PIWIL3: variants seen among roughly 807,000 people sequenced by gnomAD.
PIWIL3 encodes the protein piwi like RNA-mediated gene silencing 3, also known as piwi-like protein 3.
In PIWIL3, 101 loss-of-function variants were observed where a neutral mutation model predicts 109.7. The ratio of observed to expected loss-of-function variants is 0.92; its 90% CI spans 0.78 to 1.09. The LOEUF is 1.09. Ranked by LOEUF, PIWIL3 falls within the 50% of genes least tolerant of loss-of-function variation. The probability of loss-of-function intolerance (pLI) is 0.00; values close to 1 mark genes in which losing one functional copy is unlikely to be tolerated. For missense variants in PIWIL3, 1,031 were observed against 1,072.6 expected, an observed-to-expected ratio of 0.96 and a Z score of 0.54; for synonymous variants, 373 against 376.4, an observed-to-expected ratio of 0.99 and a Z score of 0.10.
At position 24,749,011 on chromosome 22, in the gene PIWIL3, CT is replaced by C. The variant is rs749450273; in HGVS notation, c.1344del (p.Val449TyrfsTer10). ...EFINTLQDNKKVRELLQLWDL... is the reference protein window; with the variant it reads ...EFINTLQDNKXVRELLQLWDL... The stretch of plus-strand genomic sequence containing the variant: ...TCCCAGAGTTGAAGTAACTCTCGTA[CT>C]TTTTTATTACTGAAAATTAAAATAT... On this transcript the variant is annotated frameshift_variant, in exon 12 of 21. Coordinates refer to ENST00000616349, the MANE Select transcript of PIWIL3 (RefSeq NM_001255975.1). LOFTEE classifies it high-confidence loss of function. The C allele has an allele frequency of 1.1e-5, 17 of 1,608,742 alleles. No homozygotes were observed. Among genetic ancestry groups the C allele is most frequent in the Non-Finnish European group, 1.4e-5 (17 of 1,176,394 alleles).
Position 24,719,377 on chromosome 22 carries a change from A to G in PIWIL3, c.*95T>C. ...TCAAAAACGATGAGAATTTAATGCT[A>G]TGGACCTAGGAAAATATTTCAGACA... On this transcript the variant is annotated 3_prime_UTR_variant, in exon 21 of 21. Transcript: ENST00000616349. 2.1e-6 allele frequency: 2 copies of G among 960,182 alleles called. No individual in the cohort carries two copies. The highest frequency in any genetic ancestry group is 2.5e-5 in the Admixed American group (1 of 39,314). The allele number at this position is 960,182 out of a possible 1,614,324, so 59.5% of individuals were successfully genotyped here. A position where few individuals can be genotyped will look rare whatever the true frequency, so the allele number is the denominator to read the frequency against.
chr22:24,730,059 T>C (rs1037066572), intron 14 of PIWIL3, among the ~76,000 whole-genome samples: 9 of 152,012 alleles, frequency 5.9e-5, no homozygotes, highest in Non-Finnish European at 1.3e-4. Flanking sequence ...TAGAATTATG[T>C]GTACAGATTA....
chr22:24,755,924 A>AAAAC lies in PIWIL3; in HGVS notation c.571-20_571-19insGTTT. ...CCACTCTCTGAGATTAAAAAAAAAC[A>AAAAC]AAAAAAAAAGTCCAGATATTCTTCC... On this transcript the variant is annotated intron_variant, in intron 5 of 20. Transcript: ENST00000616349. The AAAAC allele has an allele frequency of 1.6e-6, 2 of 1,212,338 alleles. No homozygotes were observed. Among genetic ancestry groups the AAAAC allele is most frequent in the Non-Finnish European group, 2.2e-6 (2 of 906,498 alleles). The allele number at this position is 1,212,338 out of a possible 1,614,324, so 75.1% of individuals were successfully genotyped here. A position where few individuals can be genotyped will look rare whatever the true frequency, so the allele number is the denominator to read the frequency against.
chr22:24,720,195 T>C lies in PIWIL3; in HGVS notation c.2358-300A>G, dbSNP rs547417019. Among the ~76,000 whole-genome samples, 3 of 151,774 alleles carry C rather than the reference T, an allele frequency of 2.0e-5. No homozygotes were observed. The East Asian group carries it at 5.8e-4, about 29-fold the overall frequency. On this transcript the variant is annotated intron_variant, in intron 19 of 20. Coordinates refer to ENST00000616349, the MANE Select transcript of PIWIL3 (RefSeq NM_001255975.1). ...GATCTGATATGGCCATAGATAATTC[T>C]ATTCGGAGATTCTTGGATGAAGGCC...
chr22:24,720,943 T>C (rs1463604626), intron 19 of PIWIL3, among the ~76,000 whole-genome samples: 1 of 152,260 alleles, frequency 6.6e-6, no homozygotes, highest in East Asian at 1.9e-4. Context: ...TCCAGTATTT[T>C]AGGTCTTGTT....
chr22:24,733,969 T>C (rs1048514176), intron 14 of PIWIL3, 115 bp downstream of exon 14: 65 of 1,153,730 alleles, frequency 5.6e-5, no homozygotes, highest in Non-Finnish European at 7.6e-5. Context: ...CAGGTTAATC[T>C]GCTTTCGTTG....
intron 13 of PIWIL3, among the ~76,000 whole-genome samples, chr22:24,735,429 T>G (rs1422083870): frequency 1.3e-5 from 2 of 152,214 alleles, no homozygotes; most frequent in African/African-American, 4.8e-5. Flanking sequence ...CTCTAGAAAG[T>G]TTTTTAAGTT....
At chr22:24,769,213 A>T (rs1925981608) in intron 1 of PIWIL3, among the ~76,000 whole-genome samples, 1 of 152,208 alleles carries the variant, frequency 6.6e-6, no homozygotes. Flanking sequence ...AATACCATGT[A>T]AATACTTTGT....
At chr22:24,774,241 C>T (rs1282665638) in intron 1 of PIWIL3, 81 bp downstream of exon 1, 1 of 152,306 alleles carries the variant, frequency 6.6e-6, no homozygotes, top group Non-Finnish European at 1.5e-5. Flanking sequence ...ACCTCCACCC[C>T]CTTTCTTTTC....
At chr22:24,740,547 C>A (rs1230548525) in intron 12 of PIWIL3, among the ~76,000 whole-genome samples, 207 of 112,378 alleles carry the variant, frequency 1.8e-3, no homozygotes, top group East Asian at 3.2e-3. Context: ...GACTCCATCT[C>A]AAAAAAAAAA....
rs775553648 is a variant in PIWIL3, at chr22:24,728,254, C to T, written c.1828G>A (p.Ala610Thr). ...VVKKTLEKVQ[A>T]RTIVTKIAQQ... Reference sequence around the variant, plus strand: ...GCAATCTTGGTGACGATGGTCCTTGCCTGGACTTTTTCTAAGGTCTTTTTC... The same window carrying T: ...GCAATCTTGGTGACGATGGTCCTTGTCTGGACTTTTTCTAAGGTCTTTTTC... Residue 610 changes from alanine (A) to threonine (T), a missense_variant, in exon 15 of 21, where the codon GCA becomes ACA. Transcript: ENST00000616349. 1.5e-5 allele frequency: 24 copies of T among 1,614,054 alleles called. No individual in the cohort carries two copies. Among genetic ancestry groups the T allele is most frequent in the Non-Finnish European group, 1.9e-5 (23 of 1,180,048 alleles).
chr22:24,770,997 A>G (rs1219472055), intron 1 of PIWIL3, among the ~76,000 whole-genome samples: 1 of 151,944 alleles, frequency 6.6e-6, no homozygotes, highest in Admixed American at 6.6e-5. Flanking sequence ...CAGGGGGACA[A>G]TAACTCAAAA....
chr22:24,760,590 C>T (rs940714564), intron 2 of PIWIL3, among the ~76,000 whole-genome samples: 1 of 151,582 alleles, frequency 6.6e-6, no homozygotes, highest in Non-Finnish European at 1.5e-5. Context: ...GAGTTCAAGA[C>T]CAACATGGAG....
intron 19 of PIWIL3, among the ~76,000 whole-genome samples, chr22:24,722,053 A>G (rs925922405): frequency 2.0e-5 from 3 of 152,198 alleles, no homozygotes; most frequent in African/African-American, 7.2e-5. Context: ...CACATAAAAG[A>G]AACTGGTCTC....
intron 8 of PIWIL3, among the ~76,000 whole-genome samples, chr22:24,753,331 T>C (rs1394290097): frequency 6.6e-6 from 1 of 152,230 alleles, no homozygotes; most frequent in Non-Finnish European, 1.5e-5. Flanking sequence ...ATTGTGTGAA[T>C]TGCATGAGGA....
chr22:24,762,832 C>T (rs1925519440), intron 1 of PIWIL3, among the ~76,000 whole-genome samples: 1 of 152,116 alleles, frequency 6.6e-6, no homozygotes, highest in African/African-American at 2.4e-5. Flanking sequence ...CTAATCCAAA[C>T]TCACTCACCT....
intron 16 of PIWIL3, among the ~76,000 whole-genome samples, chr22:24,725,974 T>G: frequency 6.6e-6 from 1 of 152,208 alleles, no homozygotes. Flanking sequence ...CTCAAGTTTC[T>G]ATCCCCTTAC....
chr22:24,755,822 C>T lies in PIWIL3; in HGVS notation c.654G>A (p.Ser218=), dbSNP rs370812345. 1.4e-5 allele frequency: 23 copies of T among 1,613,800 alleles called. No homozygotes were observed. Among genetic ancestry groups the T allele is most frequent in the Middle Eastern group, 1.6e-4 (1 of 6,084 alleles). Residue 218 remains serine (S), a synonymous_variant, in exon 6 of 21, where the codon TCG becomes TCA. Coordinates refer to ENST00000616349, the MANE Select transcript of PIWIL3 (RefSeq NM_001255975.1). ...TGTTGTAATAGCGTAGGCAATCTGG[C>T]GACGTGGGCGTGAGTTCTTTGGAAA... The part of the protein sequence containing the change: ...VEFSKELTPT[S]PDCLRYYNIL...
At chr22:24,725,369 C>T (rs763793120) in intron 17 of PIWIL3, 76 bp downstream of exon 17, 40 of 1,544,400 alleles carry the variant, frequency 2.6e-5, no homozygotes, top group Non-Finnish European at 2.8e-5. Flanking sequence ...ACCAAGTGTC[C>T]CCTGGAGGCA....
Sources: allele counts gnomAD v4.1 joint callset (sites outside exome capture counted in the v4.1 genomes callset), GRCh38; gene constraint gnomAD v4.1.1; transcripts MANE v1.5; gene names NCBI Gene and HGNC (gene_info 2026-07-23, HGNC 2026-07-21).